Variants in DNAH7 observed in about 807,000 individuals in gnomAD.
DNAH7 encodes dynein axonemal heavy chain 7.
Under a neutral mutation model 444.6 loss-of-function variants are expected in DNAH7, and 397 were observed. The ratio of observed to expected loss-of-function variants is 0.89; its 90% CI spans 0.82 to 0.97. The LOEUF is 0.97. DNAH7 is among the 50% of genes least tolerant of loss of function. The pLI is 0.00. For synonymous variants in DNAH7, 1,636 were observed against 1,624.4 expected (o/e 1.01, Z -0.17); for missense variants, 4,902 against 4,800.8 (o/e 1.02, Z -0.62).
intron 58 of DNAH7, among the ~76,000 whole-genome samples, chr2:195,782,665 T>C (rs1232466841): frequency 6.6e-6 from 1 of 152,198 alleles, no homozygotes; most frequent in Non-Finnish European, 1.5e-5. Context: ...TAAAAAGACA[T>C]AACACTTTTG....
In DNAH7 at chr2:196,068,679, A is replaced by G; in HGVS notation, c.15+18T>C. The G allele has an allele frequency of 6.4e-7, 1 of 1,550,696 alleles. No homozygotes were observed. Among genetic ancestry groups the G allele is most frequent in the Non-Finnish European group, 8.7e-7 (1 of 1,146,850 alleles). ...GCGTCGCGGCGGCGGCGAGCCTGGC[A>G]AAGAGCAGCCCTCTCACCTGCTCAC... On this transcript the variant is annotated intron_variant, in intron 1 of 64. Transcript: ENST00000312428.
intron 49 of DNAH7, among the ~76,000 whole-genome samples, chr2:195,823,368 G>A (rs1697562438): frequency 1.3e-5 from 2 of 152,068 alleles, no homozygotes; most frequent in East Asian, 1.9e-4. Context: ...CACACAATTC[G>A]GTCACTTTGC....
chr2:196,003,858 T>A (rs775066168), intron 10 of DNAH7, among the ~76,000 whole-genome samples: 6 of 152,182 alleles, frequency 3.9e-5, no homozygotes, highest in Non-Finnish European at 5.9e-5. Flanking sequence ...CAAGTTTTCA[T>A]AGCACTCCCA....
chr2:195,739,413 G>A (rs1559060842), intron 64 of DNAH7, among the ~76,000 whole-genome samples: 2 of 150,728 alleles, frequency 1.3e-5, no homozygotes, highest in Non-Finnish European at 3.0e-5. Context: ...AAATCCCACT[G>A]CCTATATTTT....
At chr2:196,048,172 T>G in intron 4 of DNAH7, 124 bp downstream of exon 4, 1 of 764,140 alleles carries the variant, frequency 1.3e-6, no homozygotes, top group Non-Finnish European at 1.9e-6. Flanking sequence ...ATTGGGAAAA[T>G]TTTTTTCTAC....
chr2:196,068,586 C>T (rs1387443425), intron 1 of DNAH7, 111 bp downstream of exon 1: 7 of 1,411,630 alleles, frequency 5.0e-6, no homozygotes, highest in African/African-American at 1.4e-5. Context: ...AAGCTGTACA[C>T]CGCGGAGTCA....
At chr2:195,799,501 G>C (rs1191392931) in intron 54 of DNAH7, 29 bp from the exon 55 acceptor site, 1 of 1,504,646 alleles carries the variant, frequency 6.6e-7, no homozygotes, top group Non-Finnish European at 8.9e-7. Context: ...ATAGTTGGAA[G>C]AATATTCAAA....
At chr2:195,813,402 A>G (rs891201655) in intron 51 of DNAH7, among the ~76,000 whole-genome samples, 1 of 152,176 alleles carries the variant, frequency 6.6e-6, no homozygotes, top group African/African-American at 2.4e-5. Flanking sequence ...ATGACCCAGT[A>G]ATGTCTTTCT....
intron 63 of DNAH7, among the ~76,000 whole-genome samples, chr2:195,747,271 C>G: frequency 6.6e-6 from 1 of 152,182 alleles, no homozygotes; most frequent in Non-Finnish European, 1.5e-5. Flanking sequence ...AATTCCACAA[C>G]ACATATATCC....
At chr2:195,910,312 T>TATA in intron 24 of DNAH7, 117 bp from the exon 25 acceptor site, 1 of 813,272 alleles carries the variant, frequency 1.2e-6, no homozygotes, top group Non-Finnish European at 1.8e-6. Flanking sequence ...TCTTTGATAA[T>TATA]TTCTTCCTTC....
chr2:195,907,268 C>T (rs570521515), intron 25 of DNAH7, among the ~76,000 whole-genome samples: 53 of 152,040 alleles, frequency 3.5e-4, no homozygotes, highest in Non-Finnish European at 7.2e-4. Flanking sequence ...TAGACATACA[C>T]CTATAATCTC....
chr2:195,942,064 G>A (rs1206322216), intron 19 of DNAH7, among the ~76,000 whole-genome samples: 1 of 152,050 alleles, frequency 6.6e-6, no homozygotes, highest in African/African-American at 2.4e-5. Flanking sequence ...CCATGGGGGA[G>A]ACAGACAATA....
At chr2:196,007,476 G>C (rs1255179647) in intron 10 of DNAH7, among the ~76,000 whole-genome samples, 1 of 152,128 alleles carries the variant, frequency 6.6e-6, no homozygotes, top group Non-Finnish European at 1.5e-5. Flanking sequence ...ACTATAGAAT[G>C]ATTAGTTCTG....
intron 33 of DNAH7, among the ~76,000 whole-genome samples, chr2:195,886,946 T>C (rs1701744104): frequency 6.6e-6 from 1 of 152,146 alleles, no homozygotes; most frequent in Admixed American, 6.5e-5. Context: ...TCCCTGAAGA[T>C]TAGAGGCAGG....
At position 195,807,465 on chromosome 2, in the gene DNAH7, A is replaced by T. The variant is rs567359583; in HGVS notation, c.10084-633T>A. Among the ~76,000 whole-genome samples, 3 of 152,322 alleles carry T rather than the reference A, an allele frequency of 2.0e-5. No homozygotes were observed. In the South Asian group the frequency reaches 6.2e-4, roughly 32 times the overall value. ...GAGCCACTGCTCCCAGCTGGAACAA[A>T]AACATTTTTAAAAACCTACCCACTT... On this transcript the variant is annotated intron_variant, in intron 53 of 64. Transcript: ENST00000312428.
chr2:195,749,844 AG>A (rs1471637889), intron 63 of DNAH7, among the ~76,000 whole-genome samples: 1 of 85,474 alleles, frequency 1.2e-5, no homozygotes, highest in Non-Finnish European at 2.3e-5. Context: ...GGGAAGGGGG[AG>A]GGGGGAGGGA....
chr2:195,767,506 T>G (rs1363704130), intron 61 of DNAH7, among the ~76,000 whole-genome samples: 2 of 151,960 alleles, frequency 1.3e-5, no homozygotes, highest in African/African-American at 4.8e-5. Flanking sequence ...TCCTCCTCCT[T>G]TTTTTTGTTC....
chr2:195,864,733 TG>T lies in DNAH7; in HGVS notation c.6921del (p.Ser2307ArgfsTer5). 1.2e-6 allele frequency: 2 copies of T among 1,614,268 alleles called. No individual in the cohort carries two copies. Among genetic ancestry groups the T allele is most frequent in the Non-Finnish European group, 1.7e-6 (2 of 1,180,050 alleles). On this transcript the variant is annotated frameshift_variant, in exon 41 of 65. Transcript: ENST00000312428. LOFTEE classifies it high-confidence loss of function. ...AACAAGACAAGGTTCATGGGTTTTT[TG>T]CTTATATTGTTGTATTCTTCTAGGT... ...EIHLEEYNNISKKPMNLVLFR... is the reference protein window; with the variant it reads ...EIHLEEYNNIXKKPMNLVLFR...
At position 195,799,090 on chromosome 2, in the gene DNAH7, A is replaced by G. The variant is rs920653669; in HGVS notation, c.10353+206T>C. The stretch of plus-strand genomic sequence containing the variant: ...CCACTTAAATCCCAATTCTAGTTTT[A>G]ATTAAATTTTAATTTGGATAAGGAG... On this transcript the variant is annotated intron_variant, in intron 55 of 64. Coordinates refer to ENST00000312428, the MANE Select transcript of DNAH7 (RefSeq NM_018897.3). Among the ~76,000 whole-genome samples, 9 of 152,172 alleles carry G rather than the reference A, an allele frequency of 5.9e-5. 1 individual carries two copies. The highest frequency in any genetic ancestry group is 3.9e-4 in the Admixed American group (6 of 15,278).
Sources: allele counts gnomAD v4.1 joint callset (sites outside exome capture counted in the v4.1 genomes callset), GRCh38; gene constraint gnomAD v4.1.1; transcripts MANE v1.5; gene names NCBI Gene and HGNC (gene_info 2026-07-23, HGNC 2026-07-21).